The following PPP1R9A variants were observed in gnomAD, a reference collection of about 807,000 sequenced individuals.
PPP1R9A encodes the protein neurabin-1.
Under a neutral mutation model 141.9 loss-of-function variants are expected in PPP1R9A, and 59 were observed. That is an observed-to-expected ratio of 0.42 (90% CI 0.34 to 0.52). The LOEUF is 0.52. Among genes scored for constraint, PPP1R9A ranks in the 20% least tolerant of loss-of-function variants. The pLI is 0.10. For synonymous variants in PPP1R9A, 500 were observed against 569.7 expected (o/e 0.88, Z 1.74); for missense variants, 1,444 against 1,611.9 (o/e 0.90, Z 1.78).
In PPP1R9A at chr7:94,930,619, C is replaced by T. The variant is rs965661821; in HGVS notation, c.1395+19111C>T. On this transcript the variant is annotated intron_variant, in intron 2 of 19. Transcript: ENST00000433360. ...CCTCCTAAAGTGCTGGGATTACAGG[C>T]GTGAACCACCATGCCCAGCCCTATC... 3.3e-5 allele frequency among the ~76,000 whole-genome samples: 5 copies of T among 152,098 alleles called. No individual in the cohort carries two copies. In the East Asian group the frequency reaches 5.8e-4, roughly 18 times the overall value.
At position 95,020,234 on chromosome 7, in the gene PPP1R9A, A is replaced by G. The variant is rs190569594; in HGVS notation, c.1396-91025A>G. Reference sequence around the variant, plus strand: ...AGGGTACAGTGAGAATTGGATTGTAAAGGGTCTGGTAGAAATGCTTGTTAT... The same window carrying G: ...AGGGTACAGTGAGAATTGGATTGTAGAGGGTCTGGTAGAAATGCTTGTTAT... On this transcript the variant is annotated intron_variant, in intron 2 of 19. Coordinates refer to ENST00000433360, the MANE Select transcript of PPP1R9A (RefSeq NM_001166160.2). 3.5e-3 allele frequency among the ~76,000 whole-genome samples: 539 copies of G among 152,272 alleles called. 5 individuals carry two copies. The highest frequency in any genetic ancestry group is 0.012 in the African/African-American group (513 of 41,554).
chr7:94,994,902 A>C (rs554875010), intron 2 of PPP1R9A, among the ~76,000 whole-genome samples: 12 of 151,854 alleles, frequency 7.9e-5, no homozygotes, highest in Admixed American at 2.6e-4. Context: ...AAAAAAAAAA[A>C]CACAAAAAAC....
chr7:94,977,513 G>A (rs1166843237), intron 2 of PPP1R9A, among the ~76,000 whole-genome samples: 1 of 152,186 alleles, frequency 6.6e-6, no homozygotes, highest in East Asian at 1.9e-4. Context: ...GGTAATCTTT[G>A]AATGGAGTCA....
intron 7 of PPP1R9A, among the ~76,000 whole-genome samples, chr7:95,222,252 A>AT (rs914572793): frequency 9.9e-5 from 15 of 151,450 alleles, no homozygotes; most frequent in African/African-American, 3.2e-4. Flanking sequence ...TATATTCCCA[A>AT]TTTTTTTTTC....
At position 95,282,397 on chromosome 7, in the gene PPP1R9A, T is replaced by C. The variant is rs562768361; in HGVS notation, c.3297-1621T>C. On this transcript the variant is annotated intron_variant, in intron 16 of 19. Transcript: ENST00000433360. Reference sequence around the variant, plus strand: ...AGTGAGAACTCCAGAGAGATTGACCTCTGCAGAGGTAATGTGGTTACATTT... The same window carrying C: ...AGTGAGAACTCCAGAGAGATTGACCCCTGCAGAGGTAATGTGGTTACATTT... 1.4e-4 allele frequency among the ~76,000 whole-genome samples: 22 copies of C among 152,224 alleles called. No individual in the cohort carries two copies. The South Asian group carries it at 2.9e-3, about 20-fold the overall frequency.
intron 2 of PPP1R9A, among the ~76,000 whole-genome samples, chr7:94,975,346 G>GTTTTTTTTGT (rs1563069799): frequency 3.9e-5 from 5 of 128,546 alleles, no homozygotes; most frequent in Non-Finnish European, 4.9e-5. Context: ...ACAGGCTGTA[G>GTTTTTTTTGT]TTTTTTTTTG....
intron 2 of PPP1R9A, among the ~76,000 whole-genome samples, chr7:95,087,560 C>A (rs2152320271): frequency 6.6e-6 from 1 of 152,110 alleles, no homozygotes; most frequent in East Asian, 1.9e-4. Context: ...GGATAGATGT[C>A]TACATTTAAC....
chr7:95,181,318 AAT>A (rs1317111294), intron 5 of PPP1R9A, among the ~76,000 whole-genome samples: 6 of 140,262 alleles, frequency 4.3e-5, no homozygotes, highest in South Asian at 2.1e-4. Context: ...ATATATATAG[AAT>A]ATATATATAG....
chr7:95,008,396 C>T (rs1803921986), intron 2 of PPP1R9A, among the ~76,000 whole-genome samples: 1 of 151,946 alleles, frequency 6.6e-6, no homozygotes, highest in South Asian at 2.1e-4. Context: ...TCTCTATTTG[C>T]CAAGAGGAAC....
At chr7:94,998,712 T>C (rs1175465731) in intron 2 of PPP1R9A, among the ~76,000 whole-genome samples, 1 of 152,216 alleles carries the variant, frequency 6.6e-6, no homozygotes, top group East Asian at 1.9e-4. Context: ...ATATAAGATT[T>C]CTGCTTATCC....
At chr7:94,930,531 G>A (rs1227160511) in intron 2 of PPP1R9A, among the ~76,000 whole-genome samples, 5 of 152,070 alleles carry the variant, frequency 3.3e-5, no homozygotes, top group African/African-American at 4.8e-5. Context: ...TAGAGACGGC[G>A]TTTCACTGTG....
At chr7:95,228,882 C>T (rs1404427279) in intron 8 of PPP1R9A, among the ~76,000 whole-genome samples, 2 of 152,088 alleles carry the variant, frequency 1.3e-5, no homozygotes, top group African/African-American at 4.8e-5. Flanking sequence ...CACATACATA[C>T]ATAAGTTACC....
chr7:95,107,024 G>A (rs533862121), intron 2 of PPP1R9A, among the ~76,000 whole-genome samples: 2 of 151,766 alleles, frequency 1.3e-5, no homozygotes, highest in South Asian at 2.1e-4. Flanking sequence ...TCAAGTGATC[G>A]GCCCTCCTAG....
At position 94,917,668 on chromosome 7, in the gene PPP1R9A, G is replaced by A. The variant is rs1332602253; in HGVS notation, c.1395+6160G>A. Among the ~76,000 whole-genome samples, 9 of 150,962 alleles carry A rather than the reference G, an allele frequency of 6.0e-5. No homozygotes were observed. The South Asian group carries it at 1.7e-3, about 28-fold the overall frequency. On this transcript the variant is annotated intron_variant, in intron 2 of 19. Transcript: ENST00000433360. ...AGCGACCCTCCTGCCTTGGCCTCCC[G>A]AAGTGCTGAGATTAAAGGCATGAGC...
intron 2 of PPP1R9A, among the ~76,000 whole-genome samples, chr7:94,968,273 C>T (rs1011013591): frequency 6.6e-6 from 1 of 151,542 alleles, no homozygotes; most frequent in East Asian, 2.0e-4. Context: ...CCCGGGTTCA[C>T]GCCATTCTCC....
chr7:95,087,008 C>G (rs1032848452), intron 2 of PPP1R9A, among the ~76,000 whole-genome samples: 13 of 145,744 alleles, frequency 8.9e-5, no homozygotes, highest in Non-Finnish European at 1.5e-5. Flanking sequence ...CATAGTGAGA[C>G]ACTGTCTCAA....
chr7:95,275,255 A>G (rs554850144), intron 16 of PPP1R9A, among the ~76,000 whole-genome samples: 57 of 152,048 alleles, frequency 3.7e-4, no homozygotes, highest in Non-Finnish European at 1.9e-4. Flanking sequence ...CAAAAATACA[A>G]AAATTAGCCA....
At chr7:95,022,206 C>T (rs1395367768) in intron 2 of PPP1R9A, among the ~76,000 whole-genome samples, 2 of 152,068 alleles carry the variant, frequency 1.3e-5, no homozygotes, top group African/African-American at 4.8e-5. Context: ...AAGTTATATT[C>T]CTAGGTATTT....
rs190432658 is a variant in PPP1R9A at position 95,199,176 on chromosome 7, T to A, written c.1890+692T>A. On this transcript the variant is annotated intron_variant, in intron 6 of 19. Coordinates refer to ENST00000433360, the MANE Select transcript of PPP1R9A (RefSeq NM_001166160.2). Reference sequence around the variant, plus strand: ...CTTGTGTGCTGTAATATAATACAGATGCTGGTCTATTTCTAATGTCTTTGA... The same window carrying A: ...CTTGTGTGCTGTAATATAATACAGAAGCTGGTCTATTTCTAATGTCTTTGA... Among the ~76,000 whole-genome samples the A allele has an allele frequency of 5.6e-3, 853 of 152,350 alleles. 8 individuals are homozygous for A. The highest frequency in any genetic ancestry group is 0.02 in the African/African-American group (816 of 41,590).
Sources: gnomAD v4.1 joint callset for allele counts (sites outside exome capture counted in the v4.1 genomes callset) on GRCh38, gnomAD v4.1.1 for gene constraint, MANE v1.5 for transcripts, NCBI Gene and HGNC (gene_info 2026-07-23, HGNC 2026-07-21) for gene names.